Variants in MTRF1 observed in about 807,000 individuals in gnomAD.
MTRF1 encodes the protein peptide chain release factor 1, mitochondrial.
Under a neutral mutation model 62.9 loss-of-function variants are expected in MTRF1, and 51 were observed. That is an observed-to-expected ratio of 0.81 (90% CI 0.65 to 1.02). The LOEUF is 1.02. MTRF1 is among the 50% of genes least tolerant of loss of function. The probability of loss-of-function intolerance (pLI) is 0.00; values close to 1 mark genes in which losing one functional copy is unlikely to be tolerated. For synonymous variants in MTRF1, 158 were observed against 181.9 expected, an observed-to-expected ratio of 0.87 and a Z score of 1.06; for missense variants, 446 against 530.0, an observed-to-expected ratio of 0.84 and a Z score of 1.56.
intron 7 of MTRF1, among the ~76,000 whole-genome samples, chr13:41,228,179 T>C (rs1448258492): frequency 1.3e-5 from 2 of 152,164 alleles, no homozygotes; most frequent in South Asian, 2.1e-4. Flanking sequence ...CACTTTATTA[T>C]GTATTTTATT....
At chr13:41,307,058 C>A in the MTRF1 span, among the ~76,000 whole-genome samples, 1 of 152,192 alleles carries the variant, frequency 6.6e-6, no homozygotes, top group Non-Finnish European at 1.5e-5. Flanking sequence ...GCATACATTA[C>A]ATCTTTTATA....
At chr13:41,291,051 A>G in the MTRF1 span, among the ~76,000 whole-genome samples, 2 of 151,572 alleles carry the variant, frequency 1.3e-5, no homozygotes, top group Non-Finnish European at 2.9e-5. Flanking sequence ...AGCCGAGATC[A>G]CGCCATTGCA....
the MTRF1 span, among the ~76,000 whole-genome samples, chr13:41,289,697 CT>C: frequency 3.3e-5 from 5 of 152,290 alleles, no homozygotes; most frequent in Middle Eastern, 3.4e-3. Flanking sequence ...TTCTGAATCC[CT>C]GCAAAACTAT....
the MTRF1 span, chr13:41,311,360 AC>A: frequency 3.2e-6 from 2 of 627,372 alleles, no homozygotes; most frequent in African/African-American, 3.8e-5. Flanking sequence ...CTCCATTGCC[AC>A]CCGTGCCGAA....
At chr13:41,242,140 AAT>A (rs2037592100) in intron 5 of MTRF1, among the ~76,000 whole-genome samples, 1 of 151,782 alleles carries the variant, frequency 6.6e-6, no homozygotes, top group Non-Finnish European at 1.5e-5. Flanking sequence ...TTTTTTTTGT[AAT>A]ATACTGAACT....
intron 2 of MTRF1, among the ~76,000 whole-genome samples, chr13:41,259,647 A>C (rs2040163508): frequency 6.9e-6 from 1 of 145,752 alleles, no homozygotes; most frequent in African/African-American, 2.6e-5. Context: ...GCTTGCAGTG[A>C]GCCGAGATCC....
chr13:41,282,987 T>C, the MTRF1 span, among the ~76,000 whole-genome samples: 1 of 152,184 alleles, frequency 6.6e-6, no homozygotes, highest in South Asian at 2.1e-4. Context: ...GCTAGGAAAA[T>C]AGCACACAAT....
the MTRF1 span, among the ~76,000 whole-genome samples, chr13:41,283,034 A>G: frequency 6.6e-6 from 1 of 152,170 alleles, no homozygotes; most frequent in African/African-American, 2.4e-5. Context: ...ACTTTCTTTG[A>G]TTGGGGTGGT....
chr13:41,233,811 T>C (rs1272152847), intron 7 of MTRF1, 79 bp downstream of exon 7: 2 of 1,100,008 alleles, frequency 1.8e-6, no homozygotes, highest in Non-Finnish European at 2.8e-6. Flanking sequence ...AACCAGACAC[T>C]CATATAGGAC....
the MTRF1 span, among the ~76,000 whole-genome samples, chr13:41,271,091 A>ACACACACACACAC: frequency 8.0e-5 from 11 of 137,128 alleles, no homozygotes; most frequent in African/African-American, 2.7e-4. Context: ...ACACACACAC[A>ACACACACACACAC]CCCCATATAG....
intron 2 of MTRF1, among the ~76,000 whole-genome samples, chr13:41,256,124 C>T (rs11147837): frequency 1.3e-5 from 2 of 151,848 alleles, no homozygotes; most frequent in Non-Finnish European, 2.9e-5. Context: ...GGGGAGACAA[C>T]GAAGAAAAAA....
At chr13:41,240,485 C>A in intron 5 of MTRF1, 52 bp from the exon 6 acceptor site, 1 of 1,543,280 alleles carries the variant, frequency 6.5e-7, no homozygotes, top group South Asian at 1.2e-5. Flanking sequence ...TGAAACAGAT[C>A]AGGATCCTAA....
the MTRF1 span, among the ~76,000 whole-genome samples, chr13:41,302,983 A>G: frequency 8.3e-4 from 126 of 152,278 alleles, 1 homozygote; most frequent in African/African-American, 2.8e-3. Context: ...TGGAACCTGT[A>G]ATTCCAGCTA....
intron 9 of MTRF1, chr13:41,220,689 C>G: frequency 1.1e-6 from 1 of 905,974 alleles, no homozygotes; most frequent in Non-Finnish European, 1.6e-6. Flanking sequence ...AGGGTTCTTT[C>G]TGTCTATTTC....
the MTRF1 span, among the ~76,000 whole-genome samples, chr13:41,273,325 C>CAA: frequency 3.3e-5 from 4 of 120,264 alleles, no homozygotes; most frequent in African/African-American, 3.1e-5. Context: ...GACTCCGTCT[C>CAA]AAAAAAAAAA....
the MTRF1 span, chr13:41,311,543 G>C: frequency 6.2e-7 from 1 of 1,607,238 alleles, no homozygotes. Context: ...CGAACGTGCT[G>C]CTGCCGCCCA....
chr13:41,242,152 T>C (rs766498085), intron 5 of MTRF1, among the ~76,000 whole-genome samples: 7 of 152,212 alleles, frequency 4.6e-5, no homozygotes, highest in Non-Finnish European at 1.0e-4. Context: ...TATACTGAAC[T>C]GGTTCATTTT....
the MTRF1 span, among the ~76,000 whole-genome samples, chr13:41,277,591 A>T: frequency 3.9e-5 from 6 of 152,268 alleles, no homozygotes; most frequent in African/African-American, 9.6e-5. Flanking sequence ...TGAAGCTTTT[A>T]TGTCCTCTTC....
rs1362840169 is a variant in MTRF1, at chr13:41,254,109, A to T, written c.507+420T>A. ...ACACCCTTACTAGACCTAACTAAAG[A>T]TGTGTGTTAACCAACTATTTTTACA... On this transcript the variant is annotated intron_variant, in intron 3 of 9. Transcript: ENST00000379480. 2.0e-5 allele frequency among the ~76,000 whole-genome samples: 3 copies of T among 152,176 alleles called. No individual in the cohort carries two copies. The East Asian group carries it at 5.8e-4, about 29-fold the overall frequency.
Sources: gnomAD v4.1 joint callset for allele counts (sites outside exome capture counted in the v4.1 genomes callset) on GRCh38, gnomAD v4.1.1 for gene constraint, MANE v1.5 for transcripts, NCBI Gene and HGNC (gene_info 2026-07-23, HGNC 2026-07-21) for gene names.